Variants in HCN1 observed in about 807,000 individuals in gnomAD.
HCN1 encodes the protein hyperpolarization activated cyclic nucleotide gated potassium channel 1, also known as potassium/sodium hyperpolarization-activated cyclic nucleotide-gated channel 1.
Under a neutral mutation model 78.9 loss-of-function variants are expected in HCN1, and 13 were observed. The ratio of observed to expected loss-of-function variants is 0.16; its 90% CI spans 0.11 to 0.26. HCN1 has a LOEUF of 0.26. Ranked by LOEUF, HCN1 falls within the 10% of genes least tolerant of loss-of-function variation. The pLI is 1.00. For missense variants in HCN1, 810 were observed against 1,154.3 expected (o/e 0.70, Z 4.32); for synonymous variants, 552 against 455.5 (o/e 1.21, Z -2.70).
At chr5:45,619,921 G>A (rs1745023808) in intron 2 of HCN1, among the ~76,000 whole-genome samples, 1 of 151,900 alleles carries the variant, frequency 6.6e-6, no homozygotes, top group African/African-American at 2.4e-5. Context: ...TATGGGAAAG[G>A]AAAAATAGTA....
At chr5:45,660,672 G>C (rs1286073024) in intron 1 of HCN1, among the ~76,000 whole-genome samples, 2 of 145,880 alleles carry the variant, frequency 1.4e-5, no homozygotes, top group East Asian at 2.1e-4. Context: ...TGATAAAACA[G>C]ACTTTAAACC....
intron 2 of HCN1, among the ~76,000 whole-genome samples, chr5:45,586,934 T>C (rs1202528251): frequency 6.6e-6 from 1 of 152,220 alleles, no homozygotes; most frequent in Non-Finnish European, 1.5e-5. Context: ...ACCTCAATTC[T>C]GTGGGCCATC....
At chr5:45,550,546 A>C (rs1483263848) in intron 2 of HCN1, among the ~76,000 whole-genome samples, 1 of 152,098 alleles carries the variant, frequency 6.6e-6, no homozygotes, top group Admixed American at 6.6e-5. Flanking sequence ...ACCTAATGTA[A>C]ATGACGAGTT....
At chr5:45,505,844 T>C (rs78122728) in intron 2 of HCN1, among the ~76,000 whole-genome samples, 2,132 of 152,232 alleles carry the variant, frequency 0.014, 53 homozygotes, top group African/African-American at 0.048. Context: ...ATTCAAATAC[T>C]GGTATTATTT....
In HCN1 at chr5:45,694,107, C is replaced by T. The variant is rs544021834; in HGVS notation, c.425+1562G>A. Among the ~76,000 whole-genome samples the T allele has an allele frequency of 4.9e-4, 75 of 152,258 alleles. 1 individual carries two copies. The highest frequency in any genetic ancestry group is 8.7e-4 in the Non-Finnish European group (59 of 68,014). ...TAGAACAGGGTCATTTATAAGTTTG[C>T]TTCCCTATCTTCCTACTGGAGGAAA... On this transcript the variant is annotated intron_variant, in intron 1 of 7. Transcript: ENST00000303230.
chr5:45,618,516 G>C (rs1337378431), intron 2 of HCN1, among the ~76,000 whole-genome samples: 1 of 152,082 alleles, frequency 6.6e-6, no homozygotes, highest in Non-Finnish European at 1.5e-5. Context: ...ATATTTGCTA[G>C]AGCAGTGAGA....
intron 1 of HCN1, among the ~76,000 whole-genome samples, chr5:45,655,060 T>G (rs1422047009): frequency 6.6e-6 from 1 of 152,124 alleles, no homozygotes; most frequent in East Asian, 1.9e-4. Flanking sequence ...ATTGTTCCAG[T>G]TTGCAGGTGT....
chr5:45,660,009 C>A (rs986145837), intron 1 of HCN1, among the ~76,000 whole-genome samples: 2 of 137,110 alleles, frequency 1.5e-5, no homozygotes, highest in Non-Finnish European at 3.1e-5. Flanking sequence ...TTGTCAGATT[C>A]ACCAAAGTTG....
At chr5:45,526,054 T>C (rs921981950) in intron 2 of HCN1, among the ~76,000 whole-genome samples, 1 of 151,994 alleles carries the variant, frequency 6.6e-6, no homozygotes, top group Non-Finnish European at 1.5e-5. Flanking sequence ...AACCTCACCA[T>C]GTTGGTACCC....
chr5:45,630,208 C>G (rs1745246989), intron 2 of HCN1, among the ~76,000 whole-genome samples: 1 of 152,150 alleles, frequency 6.6e-6, no homozygotes, highest in South Asian at 2.1e-4. Context: ...TTACCTGCCT[C>G]TTTTCCAAAA....
rs370635158 is a variant in HCN1, at chr5:45,415,292, G to GA, written c.1012-18583_1012-18582insT. Among the ~76,000 whole-genome samples the GA allele has an allele frequency of 2.4e-4, 36 of 151,864 alleles. No individual in the cohort carries two copies. In the East Asian group the frequency reaches 5.4e-3, roughly 23 times the overall value. On this transcript the variant is annotated intron_variant, in intron 3 of 7. Coordinates refer to ENST00000303230, the MANE Select transcript of HCN1 (RefSeq NM_021072.4). ...GCCATCTCAGTTTAACTCCCTTTCA[G>GA]TCCATTCTTCAAAGCATCTAGTTAC...
At chr5:45,437,467 T>G (rs1740579416) in intron 3 of HCN1, among the ~76,000 whole-genome samples, 1 of 152,340 alleles carries the variant, frequency 6.6e-6, no homozygotes. Flanking sequence ...AAATGTATAG[T>G]ATTTGAATAA....
At chr5:45,595,888 C>A (rs1744483393) in intron 2 of HCN1, among the ~76,000 whole-genome samples, 1 of 150,824 alleles carries the variant, frequency 6.6e-6, no homozygotes, top group Admixed American at 6.6e-5. Context: ...GTACTTTGGA[C>A]CTATGATTTT....
At chr5:45,645,926 T>C (rs761864980) in intron 1 of HCN1, among the ~76,000 whole-genome samples, 11 of 151,970 alleles carry the variant, frequency 7.2e-5, no homozygotes, top group Admixed American at 3.3e-4. Context: ...TTATACTTAA[T>C]ACAAAATATA....
rs532758869 is a variant in HCN1, at chr5:45,688,282, A to G, written c.425+7387T>C. On this transcript the variant is annotated intron_variant, in intron 1 of 7. Transcript: ENST00000303230. ...ATTTATACTGGCAGCCTTGTTTCTT[A>G]TTATGTAAAAGAGTTGAAGTGACAA... Among the ~76,000 whole-genome samples the G allele has an allele frequency of 3.3e-5, 5 of 152,210 alleles. No individual in the cohort carries two copies. The South Asian group carries it at 1.0e-3, about 32-fold the overall frequency.
At chr5:45,334,733 A>G (rs1227158023) in intron 5 of HCN1, among the ~76,000 whole-genome samples, 1 of 151,976 alleles carries the variant, frequency 6.6e-6, no homozygotes, top group African/African-American at 2.4e-5. Flanking sequence ...GTGACACACA[A>G]TATGCTCGGC....
intron 2 of HCN1, among the ~76,000 whole-genome samples, chr5:45,590,800 C>A (rs1744345133): frequency 6.6e-6 from 1 of 152,150 alleles, no homozygotes; most frequent in Non-Finnish European, 1.5e-5. Flanking sequence ...CATACATATT[C>A]ATGGCTCGAT....
intron 2 of HCN1, among the ~76,000 whole-genome samples, chr5:45,585,792 C>G (rs1205230842): frequency 1.3e-5 from 2 of 152,160 alleles, no homozygotes; most frequent in Admixed American, 6.5e-5. Context: ...GAGGTCCACT[C>G]CAGACCCTGT....
intron 3 of HCN1, among the ~76,000 whole-genome samples, chr5:45,438,152 G>A (rs1740596848): frequency 6.6e-6 from 1 of 152,278 alleles, no homozygotes; most frequent in Admixed American, 6.5e-5. Context: ...ATACTACAAA[G>A]TAGTACCATT....
Sources: allele counts gnomAD v4.1 joint callset (sites outside exome capture counted in the v4.1 genomes callset), GRCh38; gene constraint gnomAD v4.1.1; transcripts MANE v1.5; gene names NCBI Gene and HGNC (gene_info 2026-07-23, HGNC 2026-07-21).